Variants in MANBA observed in about 807,000 individuals in gnomAD.
MANBA encodes beta-mannosidase.
Under a neutral mutation model 111.1 loss-of-function variants are expected in MANBA, and 83 were observed. That is an observed-to-expected ratio of 0.75 (90% CI 0.63 to 0.90). MANBA has a LOEUF of 0.90. MANBA is among the 40% of genes least tolerant of loss of function. MANBA has a pLI of 0.00. For synonymous variants in MANBA, 370 were observed against 378.7 expected (o/e 0.98, Z 0.27); for missense variants, 1,036 against 1,069.0 (o/e 0.97, Z 0.43).
chr4:102,711,353 A>G (rs951138838), intron 5 of MANBA, among the ~76,000 whole-genome samples: 8 of 152,228 alleles, frequency 5.3e-5, no homozygotes, highest in African/African-American at 1.7e-4. Flanking sequence ...GCCAACAGGT[A>G]TATGCACAAA....
intron 1 of MANBA, among the ~76,000 whole-genome samples, chr4:102,754,897 G>A (rs1344557048): frequency 6.6e-6 from 1 of 152,010 alleles, no homozygotes; most frequent in Non-Finnish European, 1.5e-5. Context: ...AAAAGTGTAT[G>A]CATTAAAAAA....
intron 5 of MANBA, among the ~76,000 whole-genome samples, chr4:102,693,123 C>A (rs1732557370): frequency 6.6e-6 from 1 of 152,124 alleles, no homozygotes; most frequent in Admixed American, 6.5e-5. Flanking sequence ...TAGGTTTGTT[C>A]TGATCCAGTT....
chr4:102,725,551 C>T (rs1288975653), intron 2 of MANBA, among the ~76,000 whole-genome samples: 2 of 152,180 alleles, frequency 1.3e-5, no homozygotes, highest in Non-Finnish European at 2.9e-5. Context: ...GAAGTTTATA[C>T]TTGATTTGCC....
intron 1 of MANBA, chr4:102,734,404 C>T (rs1723134863): frequency 6.2e-7 from 1 of 1,610,576 alleles, no homozygotes; most frequent in Admixed American, 1.7e-5. Context: ...CCTGAGCCCA[C>T]TTTCCTGGAG....
chr4:102,729,298 A>G, intron 1 of MANBA: 1 of 753,338 alleles, frequency 1.3e-6, no homozygotes. Flanking sequence ...CTTCCCAGCC[A>G]GCATCTGCAG....
At chr4:102,734,136 A>C (rs1723125012) in intron 1 of MANBA, among the ~76,000 whole-genome samples, 1 of 152,270 alleles carries the variant, frequency 6.6e-6, no homozygotes, top group South Asian at 2.1e-4. Flanking sequence ...ATGTCTGTTC[A>C]TTGATTCTAA....
chr4:102,681,724 T>C (rs576015458), intron 7 of MANBA: 1 of 152,328 alleles, frequency 6.6e-6, no homozygotes, highest in Non-Finnish European at 1.5e-5. Context: ...CAGGCATGTA[T>C]AGGGCAGGGA....
chr4:102,726,533 T>G (rs1560800503), intron 2 of MANBA, 56 bp downstream of exon 2: 9 of 940,018 alleles, frequency 9.6e-6, no homozygotes, highest in East Asian at 4.9e-5. Flanking sequence ...TTTGCCCAGA[T>G]AGAAAAAGAA....
At chr4:102,719,078 C>G (rs1228273581) in intron 4 of MANBA, among the ~76,000 whole-genome samples, 1 of 152,134 alleles carries the variant, frequency 6.6e-6, no homozygotes, top group Non-Finnish European at 1.5e-5. Context: ...TAGAATTTAC[C>G]AGGCTGGAAT....
intron 1 of MANBA, chr4:102,751,307 T>C: frequency 3.0e-6 from 1 of 338,516 alleles, no homozygotes; most frequent in Non-Finnish European, 5.8e-6. Context: ...CGCTTACCTG[T>C]GCAGTCTAAT....
chr4:102,722,924 C>T lies in MANBA; in HGVS notation c.496G>A (p.Asp166Asn), dbSNP rs754157755. 3.7e-6 allele frequency: 6 copies of T among 1,614,150 alleles called. No homozygotes were observed. Among genetic ancestry groups the T allele is most frequent in the Non-Finnish European group, 4.2e-6 (5 of 1,180,004 alleles). ...CCCTTCTGCACAAGTGGAGGGCAGT[C>T]TGGGGGAACCTGGTAGCGAGTGTGA... ...KAHTRYQVPP[D>N]CPPLVQKGEC... The change falls in exon 4 of 17, where the codon GAC (aspartate) becomes AAC (asparagine). Residue 166 changes from aspartate (D) to asparagine (N), a missense_variant. Physicochemically the swap from Asp to Asn is conservative, Grantham distance 23. Transcript: ENST00000647097.
intron 7 of MANBA, among the ~76,000 whole-genome samples, chr4:102,688,806 A>C (rs1732341023): frequency 6.6e-6 from 1 of 152,206 alleles, no homozygotes; most frequent in African/African-American, 2.4e-5. Context: ...AGAAAACACC[A>C]GTAGAAGCAC....
chr4:102,681,952 C>T (rs933493996), intron 7 of MANBA, among the ~76,000 whole-genome samples: 6 of 151,826 alleles, frequency 4.0e-5, no homozygotes, highest in Admixed American at 3.9e-4. Flanking sequence ...TTGAGACTAG[C>T]CTGACCAACA....
chr4:102,706,176 T>C (rs181337956), intron 5 of MANBA, among the ~76,000 whole-genome samples: 1 of 152,276 alleles, frequency 6.6e-6, no homozygotes, highest in East Asian at 1.9e-4. Flanking sequence ...CTAACACCAG[T>C]GCCAGCATAT....
chr4:102,699,147 G>C (rs1017315674), intron 5 of MANBA, among the ~76,000 whole-genome samples: 1 of 152,048 alleles, frequency 6.6e-6, no homozygotes, highest in African/African-American at 2.4e-5. Flanking sequence ...CTCATGATTT[G>C]GCCCTCTGTT....
At chr4:102,751,717 T>C in intron 1 of MANBA, 13 of 542,062 alleles carry the variant, frequency 2.4e-5, no homozygotes, top group South Asian at 1.8e-4. Context: ...ATCCTTTCAG[T>C]TAAAGGGGCA....
chr4:102,696,090 T>C (rs1732694830), intron 5 of MANBA, among the ~76,000 whole-genome samples: 1 of 152,018 alleles, frequency 6.6e-6, no homozygotes, highest in African/African-American at 2.4e-5. Context: ...TAGCTGGGTG[T>C]GGTGGCACGC....
chr4:102,703,174 A>C (rs1430914278), intron 5 of MANBA, among the ~76,000 whole-genome samples: 2 of 152,232 alleles, frequency 1.3e-5, no homozygotes, highest in Non-Finnish European at 2.9e-5. Context: ...TTTGTCACCC[A>C]GGCCAGAATA....
At chr4:102,679,049 G>A (rs1731848354) in intron 7 of MANBA, among the ~76,000 whole-genome samples, 1 of 152,192 alleles carries the variant, frequency 6.6e-6, no homozygotes, top group African/African-American at 2.4e-5. Flanking sequence ...TATTTTAAGA[G>A]ACAACCAAAC....
Sources: gnomAD v4.1 joint callset for allele counts (sites outside exome capture counted in the v4.1 genomes callset) on GRCh38, gnomAD v4.1.1 for gene constraint, MANE v1.5 for transcripts, NCBI Gene and HGNC (gene_info 2026-07-23, HGNC 2026-07-21) for gene names.